CCDC149: variants seen among roughly 807,000 people sequenced by gnomAD.
CCDC149 encodes coiled-coil domain-containing protein 149.
In CCDC149, 45 loss-of-function variants were observed where a neutral mutation model predicts 59.9. The observed-to-expected ratio is 0.75, with a 90% CI of 0.59 to 0.96. The LOEUF is 0.96. Ranked by LOEUF, CCDC149 falls within the 40% of genes least tolerant of loss-of-function variation. CCDC149 has a pLI of 0.00. For missense variants in CCDC149, 584 were observed against 664.7 expected (o/e 0.88, Z 1.33); for synonymous variants, 245 against 260.6 (o/e 0.94, Z 0.58).
At chr4:24,819,479 C>G (rs926167509) in intron 12 of CCDC149, among the ~76,000 whole-genome samples, 7 of 152,156 alleles carry the variant, frequency 4.6e-5, no homozygotes, top group Non-Finnish European at 7.4e-5. Context: ...CCCCACCACA[C>G]CCGGCTAATT....
intron 12 of CCDC149, among the ~76,000 whole-genome samples, chr4:24,809,278 C>T (rs570088967): frequency 7.9e-5 from 12 of 152,328 alleles, no homozygotes; most frequent in African/African-American, 2.6e-4. Flanking sequence ...CCCTTCTCCA[C>T]GATTCTCCAT....
chr4:24,853,428 C>G (rs1191141842), intron 3 of CCDC149, among the ~76,000 whole-genome samples: 1 of 151,960 alleles, frequency 6.6e-6, no homozygotes, highest in Non-Finnish European at 1.5e-5. Flanking sequence ...ACAGAGGGTA[C>G]TTGAACAAGC....
intron 1 of CCDC149, among the ~76,000 whole-genome samples, chr4:24,922,416 C>T (rs1722321074): frequency 6.6e-6 from 1 of 152,250 alleles, no homozygotes; most frequent in Non-Finnish European, 1.5e-5. Flanking sequence ...AATTGGCACT[C>T]ACTCAGTAAT....
At chr4:24,873,957 T>C (rs1719219556) in intron 2 of CCDC149, among the ~76,000 whole-genome samples, 1 of 150,168 alleles carries the variant, frequency 6.7e-6, no homozygotes, top group Admixed American at 6.8e-5. Context: ...ATCTATATAT[T>C]TCCTAAAATT....
At chr4:24,870,937 C>T (rs892034432) in intron 3 of CCDC149, among the ~76,000 whole-genome samples, 8 of 149,488 alleles carry the variant, frequency 5.4e-5, no homozygotes, top group Middle Eastern at 3.5e-3. Context: ...CCCAGCAACT[C>T]GGGGGGCTAA....
chr4:24,883,062 G>A (rs1208506899), intron 1 of CCDC149, among the ~76,000 whole-genome samples: 2 of 152,168 alleles, frequency 1.3e-5, no homozygotes, highest in Non-Finnish European at 2.9e-5. Flanking sequence ...ACTGAATGCT[G>A]GAGCTGGGAT....
intron 3 of CCDC149, among the ~76,000 whole-genome samples, chr4:24,868,189 C>T (rs1001479168): frequency 6.6e-6 from 1 of 152,186 alleles, no homozygotes; most frequent in African/African-American, 2.4e-5. Context: ...TTGTGCCTCT[C>T]CCTTTCCATA....
chr4:24,920,415 T>G (rs1233693083), intron 1 of CCDC149, among the ~76,000 whole-genome samples: 1 of 152,230 alleles, frequency 6.6e-6, no homozygotes, highest in Non-Finnish European at 1.5e-5. Flanking sequence ...CCAAGGGAGC[T>G]TCTCACAACA....
upstream of CCDC149, among the ~76,000 whole-genome samples, chr4:24,917,399 C>T (rs1722160286): frequency 6.6e-6 from 1 of 152,184 alleles, no homozygotes; most frequent in Admixed American, 6.5e-5. Flanking sequence ...GGCCGGGGAC[C>T]CGCAGTTGTC....
chr4:24,940,005 G>T (rs1722907027), intron 1 of CCDC149, among the ~76,000 whole-genome samples: 1 of 152,174 alleles, frequency 6.6e-6, no homozygotes, highest in South Asian at 2.1e-4. Flanking sequence ...CCCCAATCCA[G>T]CAAGGCAGGC....
chr4:24,929,079 A>G lies in CCDC149; in HGVS notation c.-64-33961T>C, dbSNP rs140327270. On this transcript the variant is annotated intron_variant, in intron 1 of 12. Coordinates refer to the CCDC149 transcript ENST00000389609. Reference sequence around the variant, plus strand: ...TGGTTCTTTTATGAAAGGCCAAGGTATGGAAATCTAGCCTCTACACCAGGG... The same window carrying G: ...TGGTTCTTTTATGAAAGGCCAAGGTGTGGAAATCTAGCCTCTACACCAGGG... Among the ~76,000 whole-genome samples the G allele has an allele frequency of 2.5e-3, 379 of 152,260 alleles. 2 individuals carry two copies. Among genetic ancestry groups the G allele is most frequent in the Middle Eastern group, 6.8e-3 (2 of 294 alleles).
chr4:24,819,972 C>A lies in CCDC149; in HGVS notation c.1079G>T (p.Gly360Val). The change falls in exon 12 of 13, where the codon GGC becomes GTC. Residue 360 changes from glycine (G) to valine (V), a missense_variant. Physicochemically the swap from Gly to Val is moderately radical, Grantham distance 109. Coordinates refer to ENST00000635206, the MANE Select transcript of CCDC149 (RefSeq NM_001330643.2). Reference sequence around the variant, plus strand: ...GTCGCTGAACAGTATGGTGTCCTTGCCCCCTGTTGCAGAAAAGAGGAAAAT... The same window carrying A: ...GTCGCTGAACAGTATGGTGTCCTTGACCCCTGTTGCAGAAAAGAGGAAAAT... 6.5e-7 allele frequency: 1 copy of A among 1,546,378 alleles called. No homozygotes were observed. The highest frequency in any genetic ancestry group is 8.7e-7 in the Non-Finnish European group (1 of 1,143,892).
At chr4:24,831,698 G>T (rs374702636) in intron 8 of CCDC149, 48 bp from the exon 9 acceptor site, 2 of 1,555,988 alleles carry the variant, frequency 1.3e-6, no homozygotes, top group Admixed American at 1.8e-5. Context: ...CTTCTGAAAC[G>T]CTGGAATGCA....
intron 1 of CCDC149, among the ~76,000 whole-genome samples, chr4:24,883,945 T>G (rs1527354): frequency 0.5 from 76,177 of 152,032 alleles, 20,333 homozygotes; most frequent in Non-Finnish European, 0.61. Context: ...TTTACTATTC[T>G]ACATTGGCAC....
chr4:24,873,808 G>T, intron 2 of CCDC149, 89 bp from the exon 3 acceptor site: 1 of 996,788 alleles, frequency 1.0e-6, no homozygotes, highest in Non-Finnish European at 1.6e-6. Flanking sequence ...GAACCTAAAT[G>T]TAGACTCTCC....
chr4:24,938,960 C>T (rs1722866251), intron 1 of CCDC149, among the ~76,000 whole-genome samples: 1 of 152,248 alleles, frequency 6.6e-6, no homozygotes, highest in Non-Finnish European at 1.5e-5. Context: ...TAGGCTCCAC[C>T]TCTGGGGGCA....
chr4:24,810,464 C>T (rs1344430302), intron 12 of CCDC149, among the ~76,000 whole-genome samples: 2 of 152,106 alleles, frequency 1.3e-5, no homozygotes, highest in Admixed American at 6.5e-5. Context: ...GACTCCTGGA[C>T]CCCCTTTCCA....
At position 24,808,094 on chromosome 4, in the gene CCDC149, G is replaced by A. The variant is rs777802526; in HGVS notation, c.*295C>T. 2.3e-4 allele frequency: 61 copies of A among 261,458 alleles called. No individual in the cohort carries two copies. The highest frequency in any genetic ancestry group is 3.2e-4 in the Non-Finnish European group (44 of 139,656). 16.2% of individuals were successfully genotyped at this position (261,458 alleles called of 1,614,324 possible). The stretch of plus-strand genomic sequence containing the variant: ...ATAAAACAAAAGCTGACAGAAAGAC[G>A]GATGCTGAAAACCAGCCATATGGTG... On this transcript the variant is annotated 3_prime_UTR_variant, in exon 13 of 13. Transcript: ENST00000635206.
intron 1 of CCDC149, among the ~76,000 whole-genome samples, chr4:24,909,422 G>T (rs1721739702): frequency 6.6e-6 from 1 of 152,156 alleles, no homozygotes; most frequent in Non-Finnish European, 1.5e-5. Context: ...TACCTGTCTG[G>T]TACCAGACCC....
Sources: gnomAD v4.1 joint callset for allele counts (sites outside exome capture counted in the v4.1 genomes callset) on GRCh38, gnomAD v4.1.1 for gene constraint, MANE v1.5 for transcripts, NCBI Gene and HGNC (gene_info 2026-07-23, HGNC 2026-07-21) for gene names.